DZANK1: variants seen among roughly 807,000 people sequenced by gnomAD.
DZANK1 encodes the protein double zinc ribbon and ankyrin repeat domains 1.
Under a neutral mutation model 94.5 loss-of-function variants are expected in DZANK1, and 91 were observed. The ratio of observed to expected loss-of-function variants is 0.96; its 90% CI spans 0.81 to 1.15. The LOEUF (loss-of-function observed/expected upper bound fraction) is 1.15, where lower values mean the gene tolerates loss of function less well. Among genes scored for constraint, DZANK1 ranks in the 50% most tolerant of loss-of-function variants. The probability of loss-of-function intolerance (pLI) is 0.00; values close to 1 mark genes in which losing one functional copy is unlikely to be tolerated. For synonymous variants in DZANK1, 312 were observed against 325.3 expected (o/e 0.96, Z 0.44); for missense variants, 903 against 916.4 (o/e 0.99, Z 0.19).
chr20:18,412,831 A>T (rs866264892), exon 13 of DZANK1: 1 of 1,613,866 alleles, frequency 6.2e-7, no homozygotes, highest in African/African-American at 1.3e-5. Flanking sequence ...AGGAATATTC[A>T]GGGACTGCCA....
At chr20:18,452,216 C>G (rs1490541730) in intron 6 of DZANK1, among the ~76,000 whole-genome samples, 1 of 152,138 alleles carries the variant, frequency 6.6e-6, no homozygotes, top group Non-Finnish European at 1.5e-5. Context: ...TCTAGATACT[C>G]TGGCCCCAGC....
chr20:18,437,582 C>A (rs1235829470), intron 8 of DZANK1, among the ~76,000 whole-genome samples: 6 of 148,818 alleles, frequency 4.0e-5, no homozygotes, highest in Non-Finnish European at 8.9e-5. Flanking sequence ...GACTCTGTCT[C>A]AAAGAAAAGA....
At chr20:18,432,922 A>G (rs772976279) in intron 9 of DZANK1, 13 of 152,244 alleles carry the variant, frequency 8.5e-5, no homozygotes, top group Non-Finnish European at 1.8e-4. Context: ...GTGATGATAC[A>G]TAACTTTTTC....
At position 18,389,742 on chromosome 20, in the gene DZANK1, A is replaced by G. The variant is rs78119986; in HGVS notation, c.1977T>C (p.Val659=). ...CGATGTCTGCTCCTCTCTGCACGAG[A>G]ACTGGAATCGCTTCATGGTGCTTAT... Residue 659 remains valine (V), a synonymous_variant, in exon 19 of 21, where the codon GTT becomes GTC. Transcript: ENST00000262547. The G allele has an allele frequency of 2.2e-3, 3,570 of 1,613,870 alleles. 54 individuals are homozygous for G. The highest frequency in any genetic ancestry group is 0.021 in the East Asian group (960 of 44,878).
chr20:18,394,678 T>G (rs729656), intron 15 of DZANK1: 17,935 of 545,532 alleles, frequency 0.033, 488 homozygotes, highest in African/African-American at 0.076. Flanking sequence ...CAGTCACCTT[T>G]AGATCCTTTA....
chr20:18,459,560 GTTTT>G (rs551262387), intron 3 of DZANK1, among the ~76,000 whole-genome samples: 1 of 151,326 alleles, frequency 6.6e-6, no homozygotes, highest in African/African-American at 2.4e-5. Flanking sequence ...AGGATTTGAG[GTTTT>G]TTTTTGTTTT....
At chr20:18,447,575 A>G (rs931136317) in intron 7 of DZANK1, among the ~76,000 whole-genome samples, 1 of 151,840 alleles carries the variant, frequency 6.6e-6, no homozygotes, top group Non-Finnish European at 1.5e-5. Context: ...TGATCCGCCC[A>G]CCTCAGCCTC....
chr20:18,386,095 C>T (rs1461508460), intron 19 of DZANK1, among the ~76,000 whole-genome samples: 1 of 152,222 alleles, frequency 6.6e-6, no homozygotes, highest in African/African-American at 2.4e-5. Context: ...TTGACGCCAT[C>T]ACCCTCATCC....
intron 13 of DZANK1, among the ~76,000 whole-genome samples, chr20:18,399,294 T>G (rs903701431): frequency 1.3e-5 from 2 of 152,136 alleles, no homozygotes; most frequent in African/African-American, 4.8e-5. Context: ...AATGGTGTGA[T>G]CATGGCTTAC....
chr20:18,462,034 T>G (rs1374951767), intron 2 of DZANK1, among the ~76,000 whole-genome samples: 1 of 152,100 alleles, frequency 6.6e-6, no homozygotes, highest in Non-Finnish European at 1.5e-5. Context: ...CCATTTTTCT[T>G]TTAGTTTTCC....
exon 3 of DZANK1, chr20:18,460,159 A>G (rs2059425694): frequency 6.5e-7 from 1 of 1,531,794 alleles, no homozygotes; most frequent in East Asian, 2.3e-5. Context: ...TTACTTAGAG[A>G]CAGCAATAGC....
chr20:18,419,558 G>A (rs557206061), intron 10 of DZANK1, among the ~76,000 whole-genome samples: 23 of 152,154 alleles, frequency 1.5e-4, no homozygotes, highest in African/African-American at 3.6e-4. Context: ...GACACATCCC[G>A]TACATGAAAA....
At chr20:18,454,934 C>A (rs763992733) in intron 4 of DZANK1, among the ~76,000 whole-genome samples, 2 of 152,152 alleles carry the variant, frequency 1.3e-5, no homozygotes, top group Non-Finnish European at 2.9e-5. Context: ...GAAAAGCTGA[C>A]CAAGGGCAGA....
chr20:18,459,608 T>C (rs2059404421), intron 3 of DZANK1, among the ~76,000 whole-genome samples: 1 of 152,072 alleles, frequency 6.6e-6, no homozygotes, highest in Non-Finnish European at 1.5e-5. Flanking sequence ...ATGGTGAAGG[T>C]TGCCAAATTA....
intron 15 of DZANK1, among the ~76,000 whole-genome samples, chr20:18,396,115 G>C (rs2056326784): frequency 6.6e-6 from 1 of 152,148 alleles, no homozygotes. Flanking sequence ...GAAGATCAAG[G>C]ACACATGGCC....
chr20:18,402,761 G>A lies in DZANK1; in HGVS notation c.1433-4135C>T, dbSNP rs564813687. The stretch of plus-strand genomic sequence containing the variant: ...TCTCTCACTCTGCCTCATGCCTCTC[G>A]GCCAAATTCTTTCCTTCTTGGAAGC... On this transcript the variant is annotated intron_variant, in intron 13 of 20. Coordinates refer to ENST00000262547, the Ensembl canonical transcript of DZANK1. 8.5e-5 allele frequency among the ~76,000 whole-genome samples: 13 copies of A among 152,126 alleles called. 1 individual carries two copies. In the South Asian group the frequency reaches 1.2e-3, roughly 15 times the overall value.
At chr20:18,430,792 C>T (rs1365791720) in intron 9 of DZANK1, among the ~76,000 whole-genome samples, 9 of 151,774 alleles carry the variant, frequency 5.9e-5, no homozygotes, top group African/African-American at 1.2e-4. Flanking sequence ...CCAGCCTAGG[C>T]GACAGAGTGA....
intron 13 of DZANK1, among the ~76,000 whole-genome samples, chr20:18,407,809 T>C (rs1354079465): frequency 5.3e-5 from 8 of 152,190 alleles, no homozygotes; most frequent in Non-Finnish European, 1.2e-4. Flanking sequence ...AGTCTCTAGA[T>C]AGCAGAACTG....
At chr20:18,408,564 G>T (rs189725888) in intron 13 of DZANK1, among the ~76,000 whole-genome samples, 10 of 152,286 alleles carry the variant, frequency 6.6e-5, no homozygotes, top group Admixed American at 6.5e-4. Context: ...TTCAGTAGCA[G>T]GCTTTTCAGC....
Sources: allele counts gnomAD v4.1 joint callset (sites outside exome capture counted in the v4.1 genomes callset), GRCh38; gene constraint gnomAD v4.1.1; transcripts MANE v1.5; gene names NCBI Gene and HGNC (gene_info 2026-07-23, HGNC 2026-07-21).